Variants in CUX2 observed in about 807,000 individuals in gnomAD.
CUX2 encodes cut like homeobox 2.
In CUX2, 40 loss-of-function variants were observed where a neutral mutation model predicts 144.8. The observed-to-expected ratio is 0.28, with a 90% CI of 0.21 to 0.36. CUX2 has a LOEUF of 0.36. Ranked by LOEUF, CUX2 falls within the 10% of genes least tolerant of loss-of-function variation. The probability of loss-of-function intolerance (pLI) is 1.00; values close to 1 mark genes in which losing one functional copy is unlikely to be tolerated. For missense variants in CUX2, 1,615 were observed against 1,994.0 expected (o/e 0.81, Z 3.62); for synonymous variants, 827 against 875.6 (o/e 0.94, Z 0.98).
intron 3 of CUX2, among the ~76,000 whole-genome samples, chr12:111,229,091 C>T (rs945881660): frequency 2.0e-5 from 3 of 152,118 alleles, no homozygotes; most frequent in African/African-American, 4.8e-5. Flanking sequence ...TCAGAGGCTG[C>T]GATTACCATG....
chr12:111,308,150 ACT>A, intron 12 of CUX2, 133 bp from the exon 13 acceptor site: 1 of 967,680 alleles, frequency 1.0e-6, no homozygotes, highest in Admixed American at 2.0e-5. Flanking sequence ...GGTTGCAATG[ACT>A]CTGGAATTAA....
chr12:111,125,152 C>T (rs1015703097), intron 1 of CUX2, among the ~76,000 whole-genome samples: 1 of 151,836 alleles, frequency 6.6e-6, no homozygotes, highest in African/African-American at 2.4e-5. Flanking sequence ...AGTTTACATT[C>T]CCTCTCTATG....
intron 3 of CUX2, among the ~76,000 whole-genome samples, chr12:111,227,363 C>T (rs1163955665): frequency 1.3e-5 from 2 of 152,124 alleles, no homozygotes; most frequent in Admixed American, 1.3e-4. Flanking sequence ...AGCTCGTTGC[C>T]CATTGCCAGG....
chr12:111,109,644 G>A (rs1452585069), intron 1 of CUX2, among the ~76,000 whole-genome samples: 2 of 152,132 alleles, frequency 1.3e-5, no homozygotes, highest in Non-Finnish European at 2.9e-5. Context: ...CACAGTCTGG[G>A]TGCTGAAAGA....
At chr12:111,173,799 T>G (rs1878684729) in intron 1 of CUX2, among the ~76,000 whole-genome samples, 1 of 152,182 alleles carries the variant, frequency 6.6e-6, no homozygotes, top group Admixed American at 6.5e-5. Context: ...CCTCAGAGTT[T>G]CTGATTCAGT....
chr12:111,334,672 C>T lies in CUX2; in HGVS notation c.3158C>T (p.Thr1053Ile). 1 of 1,613,452 alleles carries T rather than the reference C, an allele frequency of 6.2e-7. No individual in the cohort carries two copies. The highest frequency in any genetic ancestry group is 8.5e-7 in the Non-Finnish European group (1 of 1,179,770). ...CCCGAGCTGGACACGTACTCCATCA[C>T]CAAGAGGGTGAAGGAGGTCCTCACA... ...MSPELDTYSITKRVKEVLTDN... is the reference protein window; with the variant it reads ...MSPELDTYSIIKRVKEVLTDN... Residue 1053 changes from threonine to isoleucine, a missense_variant, in exon 19 of 22, where the codon ACC (threonine) becomes ATC (isoleucine). Physicochemically the swap from Thr to Ile is moderately conservative, Grantham distance 89. Coordinates refer to ENST00000261726, the MANE Select transcript of CUX2 (RefSeq NM_015267.4).
At chr12:111,284,086 T>G (rs1592916586) in intron 4 of CUX2, among the ~76,000 whole-genome samples, 2 of 152,290 alleles carry the variant, frequency 1.3e-5, no homozygotes, top group East Asian at 3.9e-4. Context: ...CCCTACTAAA[T>G]CCCTTGCGTA....
At position 111,312,916 on chromosome 12, in the gene CUX2, A is replaced by G. The variant is rs1414524045; in HGVS notation, c.2002+715A>G. Among the ~76,000 whole-genome samples the G allele has an allele frequency of 2.6e-5, 4 of 152,206 alleles. No homozygotes were observed. Among genetic ancestry groups the G allele is most frequent in the Non-Finnish European group, 5.9e-5 (4 of 68,034 alleles). On this transcript the variant is annotated intron_variant, in intron 16 of 21. Transcript: ENST00000261726. This position sits in a 1 kb window ranked among gnomAD's most constrained non-coding sequence, Gnocchi z 4.3. ...AACTCAGAAGTCACCTCCTGCAAGA[A>G]GATGGGTTGGACACTGCACCCGCTT...
chr12:111,137,786 A>T (rs1327530980), intron 1 of CUX2, among the ~76,000 whole-genome samples: 6 of 152,148 alleles, frequency 3.9e-5, no homozygotes, highest in Admixed American at 3.3e-4. Flanking sequence ...AAGCGCTGGG[A>T]TTATAGGCAT....
chr12:111,225,607 G>A (rs149271988), intron 3 of CUX2, among the ~76,000 whole-genome samples: 2,000 of 152,286 alleles, frequency 0.013, 36 homozygotes, highest in Non-Finnish European at 0.017. Context: ...CAGCTTGGAG[G>A]GCCAAACGGG....
At chr12:111,191,112 C>G (rs547459858) in intron 1 of CUX2, among the ~76,000 whole-genome samples, 22 of 152,274 alleles carry the variant, frequency 1.4e-4, no homozygotes, top group African/African-American at 4.1e-4. Flanking sequence ...ACTCACAGAT[C>G]TTGTGTACCA....
chr12:111,092,238 G>A (rs966500153), intron 1 of CUX2, among the ~76,000 whole-genome samples: 9 of 152,164 alleles, frequency 5.9e-5, no homozygotes, highest in Admixed American at 5.2e-4. Context: ...TCCCCCATCC[G>A]CAGGCAGGAA....
chr12:111,296,877 C>G (rs60702534), intron 8 of CUX2, among the ~76,000 whole-genome samples: 1 of 89,330 alleles, frequency 1.1e-5, no homozygotes, highest in African/African-American at 5.9e-5. Context: ...GACACGCCTC[C>G]ACCCTCTGGC....
chr12:111,282,328 A>G (rs12303220), intron 4 of CUX2, among the ~76,000 whole-genome samples: 8,958 of 151,272 alleles, frequency 0.059, 922 homozygotes, highest in African/African-American at 0.21. Flanking sequence ...TCTCAAAAAA[A>G]AAAAAAAAAT....
At chr12:111,139,672 T>C (rs1436124482) in intron 1 of CUX2, among the ~76,000 whole-genome samples, 1 of 152,192 alleles carries the variant, frequency 6.6e-6, no homozygotes, top group African/African-American at 2.4e-5. Flanking sequence ...AAATCTGCTA[T>C]ACAAAGTGGA....
At chr12:111,093,021 G>A (rs1254704129) in intron 1 of CUX2, among the ~76,000 whole-genome samples, 1 of 151,996 alleles carries the variant, frequency 6.6e-6, no homozygotes, top group Non-Finnish European at 1.5e-5. Context: ...TTGCCATATT[G>A]CCCAGGCTGG....
At chr12:111,149,913 T>G (rs1876928690) in intron 1 of CUX2, among the ~76,000 whole-genome samples, 2 of 152,348 alleles carry the variant, frequency 1.3e-5, no homozygotes, top group South Asian at 4.1e-4. Context: ...AAAAAGGTCC[T>G]GCTCAGGTCT....
intron 1 of CUX2, among the ~76,000 whole-genome samples, chr12:111,152,642 T>A (rs2136138514): frequency 6.6e-6 from 1 of 152,366 alleles, no homozygotes; most frequent in East Asian, 1.9e-4. Flanking sequence ...TTGCAATGTC[T>A]GTTATTGGGC....
chr12:111,104,926 G>A (rs1399293754), intron 1 of CUX2, among the ~76,000 whole-genome samples: 1 of 152,174 alleles, frequency 6.6e-6, no homozygotes, highest in Non-Finnish European at 1.5e-5. Context: ...CAGGGATAGG[G>A]AGGGGACCCT....
Sources: allele counts gnomAD v4.1 joint callset (sites outside exome capture counted in the v4.1 genomes callset), GRCh38; gene constraint gnomAD v4.1.1; non-coding constraint Gnocchi (gnomAD v3.1); transcripts MANE v1.5; gene names NCBI Gene and HGNC (gene_info 2026-07-23, HGNC 2026-07-21).